TXNL4A: variants seen among roughly 807,000 people sequenced by gnomAD.
TXNL4A encodes the protein thioredoxin like 4A, also known as thioredoxin-like protein 4A.
In TXNL4A, 17 loss-of-function variants were observed where a neutral mutation model predicts 14.6. The ratio of observed to expected loss-of-function variants is 1.16; its 90% CI spans 0.80 to 1.74. The LOEUF is 1.74. Among genes scored for constraint, TXNL4A ranks in the 40% most tolerant of loss-of-function variants. TXNL4A has a pLI of 0.00. For missense variants in TXNL4A, 74 were observed against 195.2 expected (o/e 0.38, Z 3.70); for synonymous variants, 83 against 70.6 (o/e 1.18, Z -0.88).
chr18:80,007,374 A>G (rs771651972), intron 1 of TXNL4A, among the ~76,000 whole-genome samples: 1 of 152,240 alleles, frequency 6.6e-6, no homozygotes, highest in Non-Finnish European at 1.5e-5. Flanking sequence ...TTGACTGAGC[A>G]ATCTAGGGGA....
At chr18:80,016,225 T>C (rs1444984105) in intron 1 of TXNL4A, among the ~76,000 whole-genome samples, 6 of 152,206 alleles carry the variant, frequency 3.9e-5, no homozygotes, top group Non-Finnish European at 8.8e-5. Flanking sequence ...TTTTTTCTTG[T>C]AAATTTGTTT....
chr18:79,993,675 C>T lies in TXNL4A; in HGVS notation c.-60-15974G>A, dbSNP rs1273967910. Among the ~76,000 whole-genome samples, 1 of 152,116 alleles carries T rather than the reference C, an allele frequency of 6.6e-6. No individual in the cohort carries two copies. Among genetic ancestry groups the T allele is most frequent in the Non-Finnish European group, 1.5e-5 (1 of 68,018 alleles). ...TACCGGATTTGACCAACTCCAAACC[C>T]TCTAGCTTATGAGTGTGGAATTTTC... On this transcript the variant is annotated intron_variant, in intron 1 of 2. Coordinates refer to the TXNL4A transcript ENST00000585474. The surrounding 1 kb of genome is among the most constrained non-coding windows in gnomAD (Gnocchi z 4.4).
In TXNL4A at chr18:79,982,351, T is replaced by G. The variant is rs1380019358; in HGVS notation, c.154-4650A>C. On this transcript the variant is annotated intron_variant, in intron 1 of 2. Coordinates refer to ENST00000269601, the MANE Select transcript of TXNL4A (RefSeq NM_006701.5). The surrounding 1 kb of genome is among the most constrained non-coding windows in gnomAD (Gnocchi z 4.0). ...AGAGTTCAGTTTTGTATATACTGAG[T>G]TTGAGAAAACTAAGGGACATCCAGA... 1.3e-5 allele frequency among the ~76,000 whole-genome samples: 2 copies of G among 152,006 alleles called. No homozygotes were observed. The highest frequency in any genetic ancestry group is 2.4e-5 in the African/African-American group (1 of 41,366).
intron 2 of TXNL4A, among the ~76,000 whole-genome samples, chr18:79,976,129 T>C (rs977269568): frequency 7.2e-5 from 11 of 152,216 alleles, no homozygotes; most frequent in East Asian, 1.9e-4. Flanking sequence ...ACCACGGCAG[T>C]GCCTCACGCT....
At chr18:80,014,140 G>A (rs1219378074) in intron 1 of TXNL4A, among the ~76,000 whole-genome samples, 5 of 152,040 alleles carry the variant, frequency 3.3e-5, no homozygotes, top group Admixed American at 2.6e-4. Context: ...TTGAGATTTC[G>A]GTGGGGACAC....
intron 1 of TXNL4A, among the ~76,000 whole-genome samples, chr18:80,003,935 C>A (rs962493004): frequency 3.3e-5 from 5 of 152,116 alleles, no homozygotes. Context: ...GAAAACCACC[C>A]CCACGATCCG....
At chr18:79,987,742 G>A (rs1280962515) in intron 1 of TXNL4A, among the ~76,000 whole-genome samples, 2 of 152,128 alleles carry the variant, frequency 1.3e-5, no homozygotes, top group African/African-American at 4.8e-5. Context: ...CTCAATCACT[G>A]TAAGCTGTAA....
At chr18:80,022,527 G>A (rs1254290134) in intron 1 of TXNL4A, among the ~76,000 whole-genome samples, 1 of 152,174 alleles carries the variant, frequency 6.6e-6, no homozygotes, top group Non-Finnish European at 1.5e-5. Flanking sequence ...GGCCAGGTTT[G>A]TTTGTTCCCA....
chr18:79,999,302 G>T (rs897576666), intron 1 of TXNL4A, among the ~76,000 whole-genome samples: 1 of 152,038 alleles, frequency 6.6e-6, no homozygotes, highest in East Asian at 1.9e-4. Context: ...TTGGGAGGCC[G>T]AGGCGGGCGG....
chr18:79,974,026 A>G (rs1452256579), intron 2 of TXNL4A, among the ~76,000 whole-genome samples, 170 bp from the exon 3 acceptor site: 2 of 152,326 alleles, frequency 1.3e-5, no homozygotes, highest in Non-Finnish European at 1.5e-5. Flanking sequence ...GAAGCAGCTA[A>G]ATGTGTTTTT....
intron 1 of TXNL4A, 96 bp from the exon 2 acceptor site, chr18:79,977,797 T>C (rs2051401266): frequency 1.2e-6 from 1 of 840,266 alleles, no homozygotes. Context: ...AGAATTTGTG[T>C]GGATCAGGGC....
Position 80,011,820 on chromosome 18 carries a change from T to C in TXNL4A, c.-61+22031A>G, listed in dbSNP as rs946414139. ...TATATATATTTTATGTGAAGTTTAC[T>C]CTCTATAAAGTTTGGATGAAGACAT... On this transcript the variant is annotated intron_variant, in intron 1 of 2. Transcript: ENST00000585474. This position sits in a 1 kb window ranked among gnomAD's most constrained non-coding sequence, Gnocchi z 4.1. 6.6e-6 allele frequency among the ~76,000 whole-genome samples: 1 copy of C among 152,180 alleles called. No individual in the cohort carries two copies.
At chr18:79,994,038 G>A (rs1282637201) in intron 1 of TXNL4A, among the ~76,000 whole-genome samples, 1 of 152,140 alleles carries the variant, frequency 6.6e-6, no homozygotes, top group African/African-American at 2.4e-5. Context: ...ATCCGAAGGG[G>A]AACTTTAAAT....
intron 1 of TXNL4A, among the ~76,000 whole-genome samples, chr18:80,027,016 T>C (rs1048710981): frequency 2.0e-5 from 3 of 152,088 alleles, no homozygotes; most frequent in Non-Finnish European, 2.9e-5. Context: ...GAATAGGAAA[T>C]GATAAAACTC....
At chr18:80,030,073 T>C (rs1358537819) in intron 1 of TXNL4A, among the ~76,000 whole-genome samples, 2 of 152,068 alleles carry the variant, frequency 1.3e-5, no homozygotes, top group Non-Finnish European at 2.9e-5. Flanking sequence ...TGTAGACTCA[T>C]GGATTCATCT....
chr18:80,032,209 C>A (rs1363451303), intron 1 of TXNL4A, among the ~76,000 whole-genome samples: 24 of 151,934 alleles, frequency 1.6e-4, no homozygotes, highest in Admixed American at 1.6e-3. Flanking sequence ...TTCCTCGTGA[C>A]GGAGGACTTG....
At chr18:80,020,605 T>C (rs1285807361) in intron 1 of TXNL4A, among the ~76,000 whole-genome samples, 1 of 152,198 alleles carries the variant, frequency 6.6e-6, no homozygotes, top group Non-Finnish European at 1.5e-5. Context: ...GACATAAAGA[T>C]TAAACGCCTT....
At chr18:79,999,536 C>CAA (rs1215965310) in intron 1 of TXNL4A, among the ~76,000 whole-genome samples, 38 of 34,246 alleles carry the variant, frequency 1.1e-3, no homozygotes, top group East Asian at 2.7e-3. Context: ...GACTCCATCT[C>CAA]AAAAAAAAAA....
Position 79,972,504 on chromosome 18 carries a change from GC to G in TXNL4A, c.*1180del, listed in dbSNP as rs1408089207. 1.5e-4 allele frequency: 23 copies of G among 152,512 alleles called. No homozygotes were observed. The highest frequency in any genetic ancestry group is 5.1e-4 in the African/African-American group (21 of 41,558). The allele number at this position is 152,512 out of a possible 1,614,324, so 9.4% of individuals were successfully genotyped here. ...TTTTGAGACGGAGTCTTGCTCTGTT[GC>G]CCAGGCTGGAGTGCAGTGGTGTGAT... On this transcript the variant is annotated 3_prime_UTR_variant, in exon 3 of 3. Transcript: ENST00000269601.
Sources: gnomAD v4.1 joint callset for allele counts (sites outside exome capture counted in the v4.1 genomes callset) on GRCh38, gnomAD v4.1.1 for gene constraint, Gnocchi (gnomAD v3.1) non-coding constraint, MANE v1.5 for transcripts, NCBI Gene and HGNC (gene_info 2026-07-23, HGNC 2026-07-21) for gene names.